GRID2: variants seen among roughly 807,000 people sequenced by gnomAD.
The protein encoded by GRID2 is glutamate receptor ionotropic, delta-2.
In GRID2, 33 loss-of-function variants were observed where a neutral mutation model predicts 114.8. The ratio of observed to expected loss-of-function variants is 0.29; its 90% CI spans 0.22 to 0.38. The LOEUF is 0.38. Ranked by LOEUF, GRID2 falls within the 10% of genes least tolerant of loss-of-function variation. GRID2 has a pLI of 1.00. For synonymous variants in GRID2, 505 were observed against 449.9 expected (o/e 1.12, Z -1.55); for missense variants, 1,184 against 1,257.7 (o/e 0.94, Z 0.89).
At chr4:92,921,214 A>T (rs1749301454) in intron 2 of GRID2, among the ~76,000 whole-genome samples, 1 of 151,434 alleles carries the variant, frequency 6.6e-6, no homozygotes, top group Admixed American at 6.6e-5. Flanking sequence ...TCCTTTAAGG[A>T]CTTCTCTGCA....
chr4:93,547,864 A>G (rs1733369162), intron 13 of GRID2, among the ~76,000 whole-genome samples: 1 of 152,176 alleles, frequency 6.6e-6, no homozygotes, highest in African/African-American at 2.4e-5. Flanking sequence ...TTCTAAATAC[A>G]GAGACTACTA....
At chr4:93,645,590 C>G (rs1722035871) in intron 14 of GRID2, among the ~76,000 whole-genome samples, 1 of 152,052 alleles carries the variant, frequency 6.6e-6, no homozygotes, top group South Asian at 2.1e-4. Context: ...GGTCACAAAC[C>G]TAATTAAATC....
intron 8 of GRID2, among the ~76,000 whole-genome samples, chr4:93,380,032 G>A (rs566547747): frequency 1.3e-4 from 20 of 151,866 alleles, no homozygotes; most frequent in Non-Finnish European, 2.2e-4. Flanking sequence ...CCAACCCTGC[G>A]AAAAACAAAA....
At chr4:93,224,823 G>A (rs1002043071) in intron 7 of GRID2, 48 bp downstream of exon 7, 7 of 1,335,648 alleles carry the variant, frequency 5.2e-6, no homozygotes, top group Non-Finnish European at 6.3e-6. Flanking sequence ...ATAATTATTT[G>A]ACATATTTTA....
rs191274909 is a variant in GRID2 at position 93,203,656 on chromosome 4, T to G, written c.736-3748T>G. 1.4e-3 allele frequency among the ~76,000 whole-genome samples: 213 copies of G among 152,290 alleles called. 2 individuals carry two copies. Among genetic ancestry groups the G allele is most frequent in the Non-Finnish European group, 2.3e-3 (155 of 68,012 alleles). Reference sequence around the variant, plus strand: ...ATAGCTGAAGTTAATAAAAATGCTTTGCATTAAAGATAAGATGGGCTAAAT... The same window carrying G: ...ATAGCTGAAGTTAATAAAAATGCTTGGCATTAAAGATAAGATGGGCTAAAT... On this transcript the variant is annotated intron_variant, in intron 4 of 15. Coordinates refer to ENST00000282020, the MANE Select transcript of GRID2 (RefSeq NM_001510.4).
intron 2 of GRID2, among the ~76,000 whole-genome samples, chr4:92,928,918 A>G (rs1450814180): frequency 1.3e-5 from 2 of 151,328 alleles, no homozygotes; most frequent in South Asian, 2.1e-4. Context: ...TGATTTCCCC[A>G]TCTAGTAAAA....
intron 9 of GRID2, among the ~76,000 whole-genome samples, chr4:93,415,592 A>G (rs1201819297): frequency 6.6e-6 from 1 of 152,014 alleles, no homozygotes; most frequent in Admixed American, 6.6e-5. Context: ...GTAATTGCCT[A>G]ATGTGTTTGG....
Position 93,085,194 on chromosome 4 carries a change from A to C in GRID2, c.444A>C (p.Pro148=). Residue 148 remains proline, a synonymous_variant, in exon 3 of 16, where the codon CCA becomes CCC. Transcript: ENST00000282020. ...ATGACTACACTCTCTCAGTTCGCCC[A>C]CCTGTCTACTTGCATGATGTTATCC... ...RNDDYTLSVR[P]PVYLHDVILR... The C allele has an allele frequency of 6.2e-7, 1 of 1,613,922 alleles. No individual in the cohort carries two copies. Among genetic ancestry groups the C allele is most frequent in the African/African-American group, 1.3e-5 (1 of 75,030 alleles).
At chr4:92,537,573 A>G (rs981971044) in intron 1 of GRID2, among the ~76,000 whole-genome samples, 1 of 152,152 alleles carries the variant, frequency 6.6e-6, no homozygotes, top group African/African-American at 2.4e-5. Context: ...ATATTTTCTT[A>G]TATTTCTTCC....
At chr4:93,410,187 A>G (rs1462922157) in intron 9 of GRID2, among the ~76,000 whole-genome samples, 3 of 152,218 alleles carry the variant, frequency 2.0e-5, no homozygotes, top group African/African-American at 7.2e-5. Flanking sequence ...GATAAGGATG[A>G]TGACAGGCAT....
At chr4:93,176,594 T>C (rs1012945789) in intron 4 of GRID2, among the ~76,000 whole-genome samples, 5 of 152,196 alleles carry the variant, frequency 3.3e-5, no homozygotes, top group African/African-American at 4.8e-5. Flanking sequence ...GCACTTAGGA[T>C]GTAACCGTAG....
chr4:92,444,578 T>A (rs75001877), intron 1 of GRID2, among the ~76,000 whole-genome samples: 5 of 152,216 alleles, frequency 3.3e-5, no homozygotes, highest in Admixed American at 3.3e-4. Context: ...GATTCTTCAG[T>A]TACTTTAGGC....
chr4:92,351,740 A>G (rs991814959), intron 1 of GRID2, among the ~76,000 whole-genome samples: 2 of 151,828 alleles, frequency 1.3e-5, no homozygotes, highest in Non-Finnish European at 2.9e-5. Context: ...GCCTCCACAT[A>G]TGAGTAAGAT....
chr4:93,594,405 G>A (rs1312245341), intron 13 of GRID2, among the ~76,000 whole-genome samples: 4 of 152,318 alleles, frequency 2.6e-5, no homozygotes, highest in South Asian at 4.1e-4. Flanking sequence ...GAGGCAGTCC[G>A]CCCATTCTCA....
chr4:92,623,388 CA>C (rs1196204510), intron 2 of GRID2, among the ~76,000 whole-genome samples: 4 of 151,244 alleles, frequency 2.6e-5, no homozygotes, highest in South Asian at 4.2e-4. Context: ...TTAATACCAT[CA>C]AAAAAATCAC....
intron 2 of GRID2, among the ~76,000 whole-genome samples, chr4:92,872,739 G>T (rs761712093): frequency 3.9e-5 from 6 of 152,162 alleles, no homozygotes; most frequent in Non-Finnish European, 8.8e-5. Context: ...GAGACATGCT[G>T]GCACAGCTCA....
At chr4:92,444,350 G>C (rs193269344) in intron 1 of GRID2, among the ~76,000 whole-genome samples, 1 of 150,222 alleles carries the variant, frequency 6.7e-6, no homozygotes, top group Non-Finnish European at 1.5e-5. Context: ...GATTTGGGTA[G>C]GTAAACGAAA....
chr4:93,165,753 A>T (rs1267098086), intron 4 of GRID2, among the ~76,000 whole-genome samples: 1 of 151,926 alleles, frequency 6.6e-6, no homozygotes, highest in African/African-American at 2.4e-5. Context: ...AATTAAAAGG[A>T]CTCCCTTTAA....
intron 2 of GRID2, among the ~76,000 whole-genome samples, chr4:92,957,631 T>C (rs1752508056): frequency 6.6e-6 from 1 of 152,012 alleles, no homozygotes; most frequent in South Asian, 2.1e-4. Context: ...GTGCTAGCTA[T>C]ACTGAATATT....
Sources: gnomAD v4.1 joint callset for allele counts (sites outside exome capture counted in the v4.1 genomes callset) on GRCh38, gnomAD v4.1.1 for gene constraint, MANE v1.5 for transcripts, NCBI Gene and HGNC (gene_info 2026-07-23, HGNC 2026-07-21) for gene names.